The following PDE4B variants were observed in gnomAD, a reference collection of about 807,000 sequenced individuals.
The protein encoded by PDE4B is 3',5'-cyclic-AMP phosphodiesterase 4B.
A neutral mutation model predicts 82.2 loss-of-function variants in PDE4B; 20 were observed. That is an observed-to-expected ratio of 0.24 (90% CI 0.17 to 0.35). The LOEUF is 0.35. Ranked by LOEUF, PDE4B falls within the 10% of genes least tolerant of loss-of-function variation. The pLI, the probability that PDE4B is intolerant of heterozygous loss-of-function variation, is 1.00. For missense variants in PDE4B, 655 were observed against 907.2 expected (o/e 0.72, Z 3.57); for synonymous variants, 320 against 318.9 (o/e 1.00, Z -0.04).
At chr1:66,138,390 G>A (rs1181515650) in intron 3 of PDE4B, among the ~76,000 whole-genome samples, 1 of 152,104 alleles carries the variant, frequency 6.6e-6, no homozygotes, top group Non-Finnish European at 1.5e-5. Context: ...ATGGTGGCGG[G>A]CACCTGTAAT....
At chr1:66,063,276 G>A (rs965344113) in intron 3 of PDE4B, among the ~76,000 whole-genome samples, 6 of 151,954 alleles carry the variant, frequency 3.9e-5, no homozygotes, top group Non-Finnish European at 7.4e-5. Flanking sequence ...GGTGAATATT[G>A]TTTACTTCAG....
At chr1:66,297,616 T>C (rs1257454484) in intron 7 of PDE4B, among the ~76,000 whole-genome samples, 1 of 152,156 alleles carries the variant, frequency 6.6e-6, no homozygotes, top group Non-Finnish European at 1.5e-5. Context: ...TTTTATTATA[T>C]TATTCATTAT....
intron 7 of PDE4B, among the ~76,000 whole-genome samples, chr1:66,301,600 A>AT (rs1007624010): frequency 1.3e-5 from 2 of 150,948 alleles, no homozygotes; most frequent in Non-Finnish European, 3.0e-5. Context: ...GCCAGTCCAT[A>AT]TTTTTTTTAA....
intron 7 of PDE4B, among the ~76,000 whole-genome samples, chr1:66,319,038 G>A (rs1031673375): frequency 8.5e-5 from 13 of 152,186 alleles, no homozygotes; most frequent in Non-Finnish European, 1.6e-4. Flanking sequence ...ACTTGAAAGC[G>A]CATGTCAACT....
chr1:66,322,717 A>C (rs1169871365), intron 7 of PDE4B, among the ~76,000 whole-genome samples: 1 of 151,730 alleles, frequency 6.6e-6, no homozygotes, highest in Non-Finnish European at 1.5e-5. Context: ...TGTTGAAACC[A>C]GTAGGTTTCA....
At chr1:66,221,208 T>A (rs1462270951) in intron 3 of PDE4B, among the ~76,000 whole-genome samples, 1 of 152,056 alleles carries the variant, frequency 6.6e-6, no homozygotes, top group African/African-American at 2.4e-5. Flanking sequence ...GCCACCCTCC[T>A]AGGATAAAGA....
intron 7 of PDE4B, among the ~76,000 whole-genome samples, chr1:66,273,620 T>G (rs993029699): frequency 2.6e-5 from 4 of 152,276 alleles, no homozygotes; most frequent in Non-Finnish European, 5.9e-5. Flanking sequence ...CATACTGTAT[T>G]GTAATTATTT....
At chr1:65,849,064 G>C (rs554539646) in intron 1 of PDE4B, among the ~76,000 whole-genome samples, 2 of 152,178 alleles carry the variant, frequency 1.3e-5, no homozygotes, top group Non-Finnish European at 2.9e-5. Flanking sequence ...GAGAATTCTA[G>C]AGAACATGGG....
intron 7 of PDE4B, among the ~76,000 whole-genome samples, chr1:66,285,440 A>G (rs987602606): frequency 6.6e-6 from 1 of 152,094 alleles, no homozygotes; most frequent in Non-Finnish European, 1.5e-5. Flanking sequence ...TATTGTATCC[A>G]TCACCCAAAT....
chr1:66,150,348 A>G (rs1318638440), intron 3 of PDE4B, among the ~76,000 whole-genome samples: 1 of 152,208 alleles, frequency 6.6e-6, no homozygotes, highest in Non-Finnish European at 1.5e-5. Context: ...TTCATTGCTA[A>G]CATATGGAAA....
chr1:66,022,728 T>A (rs1653202894), intron 3 of PDE4B, among the ~76,000 whole-genome samples: 1 of 152,214 alleles, frequency 6.6e-6, no homozygotes, highest in African/African-American at 2.4e-5. Flanking sequence ...ATTGAGGATT[T>A]TTGCATCGAT....
intron 3 of PDE4B, among the ~76,000 whole-genome samples, chr1:66,079,794 G>C (rs906325682): frequency 6.6e-6 from 1 of 152,062 alleles, no homozygotes; most frequent in Non-Finnish European, 1.5e-5. Flanking sequence ...TTAAAATGAA[G>C]TATGTGAGAA....
At chr1:65,833,571 GC>G (rs1462343518) in intron 1 of PDE4B, among the ~76,000 whole-genome samples, 2 of 152,204 alleles carry the variant, frequency 1.3e-5, no homozygotes, top group Non-Finnish European at 2.9e-5. Context: ...GTTATACTAG[GC>G]AGATGTAGTG....
intron 7 of PDE4B, among the ~76,000 whole-genome samples, chr1:66,318,975 T>C (rs551004953): frequency 6.6e-6 from 1 of 152,178 alleles, no homozygotes; most frequent in East Asian, 1.9e-4. Context: ...ATAATCTCAT[T>C]TGTAAAAATG....
At chr1:65,865,007 T>A (rs541199142) in intron 1 of PDE4B, among the ~76,000 whole-genome samples, 4 of 152,260 alleles carry the variant, frequency 2.6e-5, no homozygotes, top group African/African-American at 9.6e-5. Context: ...AGGAGCCATG[T>A]CCCAGGGAGA....
chr1:66,351,719 A>C (rs1661831744), intron 8 of PDE4B, among the ~76,000 whole-genome samples: 1 of 152,222 alleles, frequency 6.6e-6, no homozygotes, highest in Non-Finnish European at 1.5e-5. Flanking sequence ...GTAACTACAC[A>C]GGAGAGTGAG....
intron 3 of PDE4B, among the ~76,000 whole-genome samples, chr1:66,033,482 A>C (rs6687763): frequency 0.69 from 105,179 of 152,082 alleles, 38,663 homozygotes; most frequent in Non-Finnish European, 0.83. Context: ...GTGGCGCTTT[A>C]TTCACTACTA....
intron 7 of PDE4B, among the ~76,000 whole-genome samples, chr1:66,275,888 A>C (rs1423195591): frequency 6.6e-6 from 1 of 152,138 alleles, no homozygotes; most frequent in East Asian, 1.9e-4. Flanking sequence ...AGAGCTGTTG[A>C]CAAGCACCAA....
chr1:65,866,936 T>G (rs922384810), intron 1 of PDE4B, among the ~76,000 whole-genome samples: 1 of 152,250 alleles, frequency 6.6e-6, no homozygotes. Context: ...AGTGTTTGCT[T>G]TATTAATCAA....
Sources: gnomAD v4.1 joint callset for allele counts (sites outside exome capture counted in the v4.1 genomes callset) on GRCh38, gnomAD v4.1.1 for gene constraint, MANE v1.5 for transcripts, NCBI Gene and HGNC (gene_info 2026-07-23, HGNC 2026-07-21) for gene names.